Variants in GNG7 observed in about 807,000 individuals in gnomAD.
GNG7 encodes the protein guanine nucleotide-binding protein G(I)/G(S)/G(O) subunit gamma-7.
Under a neutral mutation model 4.0 loss-of-function variants are expected in GNG7, and 1 was observed. The ratio of observed to expected loss-of-function variants is 0.25; its 90% confidence interval spans 0.09 to 1.18. The LOEUF is 1.18. Among genes scored for constraint, GNG7 ranks in the 50% most tolerant of loss-of-function variants. GNG7 has a pLI of 0.50. For synonymous variants in GNG7, 34 were observed against 36.9 expected (o/e 0.92, Z 0.29); for missense variants, 86 against 91.9 (o/e 0.94, Z 0.26).
chr19:2,543,221 C>CTTTT (rs34642408), intron 3 of GNG7, among the ~76,000 whole-genome samples: 1 of 121,700 alleles, frequency 8.2e-6, no homozygotes, highest in African/African-American at 3.2e-5. Flanking sequence ...GCCTGGCCTC[C>CTTTT]TTTTTTTTTT....
chr19:2,692,708 C>T (rs115190427), intron 1 of GNG7, among the ~76,000 whole-genome samples: 7 of 151,364 alleles, frequency 4.6e-5, no homozygotes, highest in Admixed American at 2.0e-4. Context: ...CAATGAAGTC[C>T]GACGTGGTGG....
chr19:2,593,799 T>A (rs1483322174), intron 2 of GNG7, among the ~76,000 whole-genome samples: 1 of 150,708 alleles, frequency 6.6e-6, no homozygotes, highest in Non-Finnish European at 1.5e-5. Context: ...TTTTTTTTTT[T>A]AAACAATCCT....
At position 2,534,569 on chromosome 19, in the gene GNG7, T is replaced by G. The variant is rs186865709; in HGVS notation, c.-37-13844A>C. Among the ~76,000 whole-genome samples the G allele has an allele frequency of 1.3e-5, 2 of 152,350 alleles. 1 individual carries two copies. Among genetic ancestry groups the G allele is most frequent in the Admixed American group, 1.3e-4 (2 of 15,304 alleles). On this transcript the variant is annotated intron_variant, in intron 3 of 4. Coordinates refer to ENST00000382159, the MANE Select transcript of GNG7 (RefSeq NM_052847.3). ...CTGTGGCCTCATGAGCTCAGCATTT[T>G]CCAGATTCGGAAATCCTGGAGGGGG...
intron 1 of GNG7, among the ~76,000 whole-genome samples, chr19:2,667,276 C>G (rs963046040): frequency 6.6e-6 from 1 of 152,024 alleles, no homozygotes; most frequent in African/African-American, 2.4e-5. Context: ...GAGCAGAGAT[C>G]ACGCCACTGC....
rs999507514 is a variant in GNG7 at position 2,524,660 on chromosome 19, G to A, written c.-37-3935C>T. On this transcript the variant is annotated intron_variant, in intron 3 of 4. Transcript: ENST00000382159. ...TGCATGTACACATCTACGTGTGTGC[G>A]TCTGCATATGAGTGTGTGCATAGGT... Among the ~76,000 whole-genome samples, 46 of 152,366 alleles carry A rather than the reference G, an allele frequency of 3.0e-4. No homozygotes were observed. In the Middle Eastern group the frequency reaches 0.017, roughly 56 times the overall value.
chr19:2,599,035 G>A (rs1376440711), intron 2 of GNG7, among the ~76,000 whole-genome samples: 2 of 152,184 alleles, frequency 1.3e-5, no homozygotes, highest in Admixed American at 6.5e-5. Flanking sequence ...GGGAGAGGCG[G>A]GCACGAGGCG....
rs1979146589 is a variant in GNG7 at position 2,546,909 on chromosome 19, C to T, written c.-38+8240G>A. ...CTCCTGTCACTCCAGTTCTGGGCTT[C>T]CCGGCTGAGGAAATGCTGTCACCCT... is the stretch of plus-strand genomic sequence containing the variant. On this transcript the variant is annotated intron_variant, in intron 3 of 4. Transcript: ENST00000382159. This position sits in a 1 kb window ranked among gnomAD's most constrained non-coding sequence, Gnocchi z 6.3. Among the ~76,000 whole-genome samples, 1 of 152,108 alleles carries T rather than the reference C, an allele frequency of 6.6e-6. No individual in the cohort carries two copies. The highest frequency in any genetic ancestry group is 2.4e-5 in the African/African-American group (1 of 41,442).
intron 3 of GNG7, among the ~76,000 whole-genome samples, chr19:2,528,125 G>A (rs1978469166): frequency 6.6e-6 from 1 of 151,582 alleles, no homozygotes; most frequent in African/African-American, 2.4e-5. Context: ...AAAAAAATGA[G>A]CCAGGCATGG....
intron 3 of GNG7, among the ~76,000 whole-genome samples, chr19:2,538,952 T>C (rs1018941879): frequency 6.6e-5 from 10 of 151,942 alleles, no homozygotes; most frequent in Middle Eastern, 3.4e-3. Context: ...TTTGTATTTT[T>C]AGTAGAGACA....
At chr19:2,544,331 A>G (rs1234019600) in intron 3 of GNG7, among the ~76,000 whole-genome samples, 7 of 152,194 alleles carry the variant, frequency 4.6e-5, no homozygotes. Context: ...ACCTGCGTCA[A>G]TGTGCACATC....
intron 3 of GNG7, among the ~76,000 whole-genome samples, chr19:2,549,092 T>G (rs990281153): frequency 6.6e-6 from 1 of 152,132 alleles, no homozygotes; most frequent in Non-Finnish European, 1.5e-5. Flanking sequence ...GGTCTGGACA[T>G]GAAGGTTTGG....
chr19:2,679,482 G>A (rs976935927), intron 1 of GNG7, among the ~76,000 whole-genome samples: 8 of 151,984 alleles, frequency 5.3e-5, no homozygotes, highest in Admixed American at 5.2e-4. Flanking sequence ...TGACCCTAGG[G>A]AGTGATTCCT....
chr19:2,564,625 G>C (rs1979846024), intron 2 of GNG7, among the ~76,000 whole-genome samples: 1 of 152,070 alleles, frequency 6.6e-6, no homozygotes, highest in South Asian at 2.1e-4. Context: ...GCAGAGGAGA[G>C]GACATGGCTG....
chr19:2,660,351 G>A, intron 1 of GNG7, among the ~76,000 whole-genome samples: 1 of 152,256 alleles, frequency 6.6e-6, no homozygotes, highest in Admixed American at 6.5e-5. Context: ...TCCATTGAAG[G>A]GTTGATGCTG....
At chr19:2,567,936 A>G (rs1370201277) in intron 2 of GNG7, among the ~76,000 whole-genome samples, 1 of 152,024 alleles carries the variant, frequency 6.6e-6, no homozygotes, top group Non-Finnish European at 1.5e-5. Flanking sequence ...TTCAGCAGGA[A>G]CTCAGGAAGT....
Position 2,580,286 on chromosome 19 carries a change from ATTTTTTT to A in GNG7, c.-77-25105_-77-25099del, listed in dbSNP as rs5826774. Among the ~76,000 whole-genome samples the A allele has an allele frequency of 9.3e-3, 1,248 of 133,606 alleles. 26 individuals carry two copies. The highest frequency in any genetic ancestry group is 0.03 in the African/African-American group (1,131 of 38,098). 87.7% of individuals were successfully genotyped at this position (133,606 alleles called of 152,430 possible). The stretch of plus-strand genomic sequence containing the variant: ...GCCCTGCTGCTCTCTGTCTGGTTCT[ATTTTTTT>A]TTTTTTTTTTTTTTTGAGGCTGAGT... On this transcript the variant is annotated intron_variant, in intron 2 of 4. Coordinates refer to ENST00000382159, the MANE Select transcript of GNG7 (RefSeq NM_052847.3).
At position 2,566,977 on chromosome 19, in the gene GNG7, C is replaced by A. The variant is rs573490001; in HGVS notation, c.-77-11789G>T. ...AAAATTAGCCGGGCGCGGTGGCGGG[C>A]GTCTGTAATCCCAGCTACTCGAGAG... is the stretch of plus-strand genomic sequence containing the variant. On this transcript the variant is annotated intron_variant, in intron 2 of 4. Transcript: ENST00000382159. Among the ~76,000 whole-genome samples the A allele has an allele frequency of 1.3e-4, 20 of 152,020 alleles. No homozygotes were observed. In the East Asian group the frequency reaches 3.9e-3, roughly 29 times the overall value.
rs1555697047 is a variant in GNG7 at position 2,602,901 on chromosome 19, C to CTTTCT, written c.-78+43318_-78+43322dup. Among the ~76,000 whole-genome samples, 7 of 148,950 alleles carry CTTTCT rather than the reference C, an allele frequency of 4.7e-5. No homozygotes were observed. In the South Asian group the frequency reaches 6.3e-4, roughly 13 times the overall value. On this transcript the variant is annotated intron_variant, in intron 2 of 4. Coordinates refer to ENST00000382159, the MANE Select transcript of GNG7 (RefSeq NM_052847.3). ...TCTTTCTCTTTCTTTTTCTCTTTTTCTTTCTTTCTTTCTTTCTTTCTTTTT... is the reference window on the plus strand; with the variant it reads ...TCTTTCTCTTTCTTTTTCTCTTTTTCTTTCTTTTCTTTCTTTCTTTCTTTCTTTTT...
At chr19:2,682,977 A>T (rs1421086905) in intron 1 of GNG7, among the ~76,000 whole-genome samples, 1 of 151,520 alleles carries the variant, frequency 6.6e-6, no homozygotes, top group Non-Finnish European at 1.5e-5. Flanking sequence ...TCACGCCTGT[A>T]ATCCCAGCAC....
Sources: allele counts gnomAD v4.1 joint callset (sites outside exome capture counted in the v4.1 genomes callset), GRCh38; gene constraint gnomAD v4.1.1; non-coding constraint Gnocchi (gnomAD v3.1); transcripts MANE v1.5; gene names NCBI Gene and HGNC (gene_info 2026-07-23, HGNC 2026-07-21).